The following LIMS1 variants were observed in gnomAD, a reference collection of about 807,000 sequenced individuals.
The protein encoded by LIMS1 is LIM zinc finger domain containing 1, also known as LIM and senescent cell antigen-like-containing domain protein 1.
LIMS1 carries 18 observed loss-of-function variants against 44.1 expected under a neutral mutation model. The ratio of observed to expected loss-of-function variants is 0.41; its 90% CI spans 0.28 to 0.61. The LOEUF is 0.61. Among genes scored for constraint, LIMS1 ranks in the 20% least tolerant of loss-of-function variants. The pLI, the probability that LIMS1 is intolerant of heterozygous loss-of-function variation, is 0.32. For synonymous variants in LIMS1, 93 were observed against 149.1 expected, an observed-to-expected ratio of 0.62 and a Z score of 2.74; for missense variants, 201 against 422.0, an observed-to-expected ratio of 0.48 and a Z score of 4.59.
intron 1 of LIMS1, among the ~76,000 whole-genome samples, chr2:108,573,477 TA>T (rs142047525): frequency 0.05 from 7,627 of 152,290 alleles, 269 homozygotes; most frequent in South Asian, 0.15. Context: ...AAAGCATTTT[TA>T]TTTTTTATTT....
intron 1 of LIMS1, among the ~76,000 whole-genome samples, chr2:108,633,535 G>A (rs1272189674): frequency 6.6e-6 from 1 of 152,186 alleles, no homozygotes; most frequent in African/African-American, 2.4e-5. Flanking sequence ...TTGAAGCTCA[G>A]TTATTTTGTT....
intron 1 of LIMS1, among the ~76,000 whole-genome samples, chr2:108,628,996 G>C (rs943956371): frequency 6.6e-6 from 1 of 152,192 alleles, no homozygotes; most frequent in Non-Finnish European, 1.5e-5. Context: ...ATATCAGTAG[G>C]TTTGGTGTCC....
At chr2:108,640,285 A>G (rs1164932535) in intron 1 of LIMS1, among the ~76,000 whole-genome samples, 1 of 152,070 alleles carries the variant, frequency 6.6e-6, no homozygotes, top group Non-Finnish European at 1.5e-5. Context: ...TTGTGGGTAG[A>G]TATTTGTTGG....
At chr2:108,683,325 A>T (rs1239796046) in intron 9 of LIMS1, among the ~76,000 whole-genome samples, 1 of 152,136 alleles carries the variant, frequency 6.6e-6, no homozygotes, top group African/African-American at 2.4e-5. Flanking sequence ...TCTTTAAGGT[A>T]TTCTAAAATG....
intron 1 of LIMS1, chr2:108,607,248 A>G (rs778127441): frequency 7.0e-5 from 108 of 1,551,044 alleles, no homozygotes; most frequent in Non-Finnish European, 7.8e-6. Context: ...ATCAAGATAC[A>G]TGACATGGTG....
chr2:108,607,575 T>A (rs1687341364), intron 1 of LIMS1, among the ~76,000 whole-genome samples: 2 of 152,192 alleles, frequency 1.3e-5, no homozygotes, highest in Admixed American at 6.5e-5. Context: ...TACTGTATTC[T>A]TTTTGCTTAT....
At chr2:108,622,492 A>C (rs533101652) in intron 1 of LIMS1, among the ~76,000 whole-genome samples, 4 of 152,304 alleles carry the variant, frequency 2.6e-5, no homozygotes, top group African/African-American at 9.6e-5. Flanking sequence ...TGACTCACCA[A>C]TTTTTGAAGA....
intron 1 of LIMS1, among the ~76,000 whole-genome samples, chr2:108,582,303 C>T (rs900828365): frequency 6.6e-6 from 1 of 152,114 alleles, no homozygotes; most frequent in Admixed American, 6.5e-5. Flanking sequence ...GAAAGGGGTA[C>T]CATAGGCACT....
intron 1 of LIMS1, among the ~76,000 whole-genome samples, chr2:108,586,179 G>A (rs1198357734): frequency 3.9e-5 from 6 of 151,900 alleles, no homozygotes; most frequent in Admixed American, 6.6e-5. Context: ...ACGACAGAGC[G>A]AGACTCCGTC....
At chr2:108,537,944 A>C (rs573038118) in intron 1 of LIMS1, among the ~76,000 whole-genome samples, 1 of 152,228 alleles carries the variant, frequency 6.6e-6, no homozygotes, top group South Asian at 2.1e-4. Context: ...ATTTTCAATA[A>C]TGTTGTGTTT....
intron 1 of LIMS1, among the ~76,000 whole-genome samples, chr2:108,561,803 G>A (rs1457224795): frequency 1.3e-5 from 2 of 149,356 alleles, no homozygotes; most frequent in African/African-American, 4.9e-5. Flanking sequence ...GTGCAGTGGC[G>A]TGATCTTGGC....
At chr2:108,619,977 C>T (rs1174344961) in intron 1 of LIMS1, among the ~76,000 whole-genome samples, 1 of 152,166 alleles carries the variant, frequency 6.6e-6, no homozygotes, top group African/African-American at 2.4e-5. Context: ...CGTGTTTCAT[C>T]ACTCATTAAA....
At chr2:108,669,957 A>G (rs1433651062) in intron 2 of LIMS1, among the ~76,000 whole-genome samples, 1 of 152,194 alleles carries the variant, frequency 6.6e-6, no homozygotes, top group Non-Finnish European at 1.5e-5. Context: ...GATAATACAG[A>G]AGAAAATAAA....
At chr2:108,591,787 TAG>T (rs1224045632) in intron 1 of LIMS1, among the ~76,000 whole-genome samples, 7 of 131,702 alleles carry the variant, frequency 5.3e-5, no homozygotes, top group African/African-American at 1.9e-4. Flanking sequence ...AAAATGTTTT[TAG>T]TTTTTTTTTT....
At chr2:108,553,336 G>A (rs1684823327) in intron 1 of LIMS1, among the ~76,000 whole-genome samples, 1 of 152,172 alleles carries the variant, frequency 6.6e-6, no homozygotes, top group Admixed American at 6.6e-5. Context: ...ATTGCTCCAC[G>A]ATTGAAGCAA....
intron 1 of LIMS1, among the ~76,000 whole-genome samples, chr2:108,593,121 GT>G (rs944121678): frequency 2.0e-5 from 3 of 152,054 alleles, no homozygotes; most frequent in African/African-American, 7.2e-5. Context: ...CTCTGCTTTT[GT>G]TTTTTAGTTT....
intron 8 of LIMS1, among the ~76,000 whole-genome samples, chr2:108,678,274 G>T (rs1692710167): frequency 6.6e-6 from 1 of 152,232 alleles, no homozygotes; most frequent in Admixed American, 6.5e-5. Context: ...GCAATCATGG[G>T]AACTGTCCCT....
chr2:108,647,969 A>G (rs914768246), intron 1 of LIMS1, among the ~76,000 whole-genome samples: 6 of 152,220 alleles, frequency 3.9e-5, no homozygotes, highest in South Asian at 2.1e-4. Flanking sequence ...GGCCAGGGCA[A>G]TCAGGCAAGA....
intron 1 of LIMS1, among the ~76,000 whole-genome samples, chr2:108,536,351 C>A (rs1684141402): frequency 2.0e-5 from 3 of 152,224 alleles, no homozygotes; most frequent in Admixed American, 1.3e-4. Context: ...CCCTGGCAGC[C>A]ATCATTTTAA....
Sources: gnomAD v4.1 joint callset for allele counts (sites outside exome capture counted in the v4.1 genomes callset) on GRCh38, gnomAD v4.1.1 for gene constraint, MANE v1.5 for transcripts, NCBI Gene and HGNC (gene_info 2026-07-23, HGNC 2026-07-21) for gene names.